The following ASAP1 variants were observed in gnomAD, a reference collection of about 807,000 sequenced individuals.
ASAP1 encodes the protein ArfGAP with SH3 domain, ankyrin repeat and PH domain 1.
Under a neutral mutation model 145.2 loss-of-function variants are expected in ASAP1, and 43 were observed. The ratio of observed to expected loss-of-function variants is 0.30; its 90% CI spans 0.23 to 0.38. The LOEUF is 0.38. Ranked by LOEUF, ASAP1 falls within the 10% of genes least tolerant of loss-of-function variation. ASAP1 has a pLI of 1.00. For missense variants in ASAP1, 1,018 were observed against 1,355.3 expected (o/e 0.75, Z 3.91); for synonymous variants, 546 against 515.5 (o/e 1.06, Z -0.80).
chr8:130,113,403 A>G (rs1382342777), intron 23 of ASAP1, among the ~76,000 whole-genome samples: 5 of 152,128 alleles, frequency 3.3e-5, no homozygotes, highest in Non-Finnish European at 4.4e-5. Context: ...CCCATCTCCA[A>G]TGTCCTTGAG....
intron 29 of ASAP1, among the ~76,000 whole-genome samples, chr8:130,056,618 C>T (rs1161323095): frequency 1.3e-5 from 2 of 152,222 alleles, no homozygotes; most frequent in African/African-American, 4.8e-5. Context: ...AATCTGAGGT[C>T]ACTGTCTAGG....
chr8:130,335,303 T>C (rs1824963047), intron 3 of ASAP1, among the ~76,000 whole-genome samples: 1 of 152,198 alleles, frequency 6.6e-6, no homozygotes, highest in South Asian at 2.1e-4. Flanking sequence ...GATTGCTTCA[T>C]GTAATCCTCA....
chr8:130,074,823 G>C (rs548574296), intron 27 of ASAP1, among the ~76,000 whole-genome samples: 1 of 152,308 alleles, frequency 6.6e-6, no homozygotes, highest in South Asian at 2.1e-4. Context: ...AGCCCCAGAT[G>C]ACCATGTGAG....
At chr8:130,103,643 T>C (rs534451661) in intron 24 of ASAP1, among the ~76,000 whole-genome samples, 4 of 152,016 alleles carry the variant, frequency 2.6e-5, no homozygotes, top group Non-Finnish European at 5.9e-5. Context: ...GCTGGGATTA[T>C]AGGCGTGTGC....
intron 3 of ASAP1, among the ~76,000 whole-genome samples, chr8:130,334,202 A>G (rs931912927): frequency 1.3e-5 from 2 of 152,164 alleles, no homozygotes; most frequent in Non-Finnish European, 2.9e-5. Flanking sequence ...TATCCTATAA[A>G]CCACAAAAAG....
At chr8:130,201,508 G>A (rs2136316987) in intron 5 of ASAP1, among the ~76,000 whole-genome samples, 1 of 152,282 alleles carries the variant, frequency 6.6e-6, no homozygotes, top group Middle Eastern at 3.4e-3. Context: ...TAAATGGTGG[G>A]TTAGATTTAA....
chr8:130,155,231 C>T (rs752006726), intron 12 of ASAP1, among the ~76,000 whole-genome samples: 7 of 152,148 alleles, frequency 4.6e-5, no homozygotes, highest in Non-Finnish European at 7.3e-5. Flanking sequence ...TCTTCTGCTG[C>T]TAATAAAGCC....
At chr8:130,162,717 C>A (rs1333775837) in intron 11 of ASAP1, among the ~76,000 whole-genome samples, 1 of 151,478 alleles carries the variant, frequency 6.6e-6, no homozygotes, top group Non-Finnish European at 1.5e-5. Context: ...ACTCAGGAGG[C>A]TGAGGCAGAA....
intron 3 of ASAP1, among the ~76,000 whole-genome samples, chr8:130,312,277 TAAAAA>T (rs10602064): frequency 7.3e-6 from 1 of 136,418 alleles, no homozygotes. Context: ...ACCCTGTCTT[TAAAAA>T]AAAAAAAAAA....
At chr8:130,157,918 T>C (rs2097661157) in intron 12 of ASAP1, among the ~76,000 whole-genome samples, 1 of 152,168 alleles carries the variant, frequency 6.6e-6, no homozygotes. Flanking sequence ...TGAGTATTTT[T>C]TGTCTCTTTC....
chr8:130,377,142 T>C (rs1171200626), intron 2 of ASAP1, among the ~76,000 whole-genome samples: 4 of 151,958 alleles, frequency 2.6e-5, no homozygotes, highest in African/African-American at 4.8e-5. Flanking sequence ...AAATATCATA[T>C]GTTCTCACTC....
intron 3 of ASAP1, among the ~76,000 whole-genome samples, chr8:130,293,617 G>A (rs1169783229): frequency 5.9e-5 from 9 of 151,988 alleles, no homozygotes; most frequent in African/African-American, 2.2e-4. Flanking sequence ...CAGCCCCAGA[G>A]CTGGCTGGAG....
At chr8:130,429,827 C>T (rs530533145) in intron 1 of ASAP1, among the ~76,000 whole-genome samples, 2 of 152,326 alleles carry the variant, frequency 1.3e-5, no homozygotes, top group African/African-American at 4.8e-5. Flanking sequence ...TGAAGAATAA[C>T]GCATGTATAC....
chr8:130,057,902 C>G (rs573051684), intron 29 of ASAP1, 52 bp downstream of exon 29: 63 of 1,601,644 alleles, frequency 3.9e-5, no homozygotes, highest in Non-Finnish European at 5.3e-5. Context: ...TGGTGCCTGC[C>G]CAGGCATGCT....
At chr8:130,186,724 C>CT (rs1269022196) in intron 7 of ASAP1, among the ~76,000 whole-genome samples, 1 of 152,162 alleles carries the variant, frequency 6.6e-6, no homozygotes, top group African/African-American at 2.4e-5. Context: ...TCATGAGCCC[C>CT]TTAGCCTCTC....
At chr8:130,318,754 C>A (rs551690537) in intron 3 of ASAP1, among the ~76,000 whole-genome samples, 1 of 152,150 alleles carries the variant, frequency 6.6e-6, no homozygotes, top group African/African-American at 2.4e-5. Context: ...GTTCATCTAA[C>A]TTCAAATATA....
chr8:130,055,520 T>A (rs1294100125), intron 29 of ASAP1, among the ~76,000 whole-genome samples: 2 of 147,114 alleles, frequency 1.4e-5, no homozygotes, highest in Non-Finnish European at 3.0e-5. Flanking sequence ...GTGAGTAAAG[T>A]GTTGTTCTAG....
intron 3 of ASAP1, among the ~76,000 whole-genome samples, chr8:130,283,587 G>GACAAAAAAAAAAAAAAAAAAAA (rs1821396757): frequency 4.8e-5 from 1 of 20,852 alleles, no homozygotes; most frequent in African/African-American, 1.7e-4. Flanking sequence ...ATCACAGAAA[G>GACAAAAAAAAAAAAAAAAAAAA]AAAAAAAAAA....
intron 3 of ASAP1, among the ~76,000 whole-genome samples, chr8:130,284,841 C>CCACACA (rs1821499453): frequency 4.6e-5 from 4 of 87,400 alleles, no homozygotes; most frequent in Middle Eastern, 5.7e-3. Context: ...CTTTTACACT[C>CCACACA]TACACACACA....
Sources: gnomAD v4.1 joint callset for allele counts (sites outside exome capture counted in the v4.1 genomes callset) on GRCh38, gnomAD v4.1.1 for gene constraint, MANE v1.5 for transcripts, NCBI Gene and HGNC (gene_info 2026-07-23, HGNC 2026-07-21) for gene names.